Variants in PTPRT observed in about 807,000 individuals in gnomAD.
PTPRT encodes the protein protein tyrosine phosphatase receptor type T.
Under a neutral mutation model 176.8 loss-of-function variants are expected in PTPRT, and 56 were observed. The observed-to-expected ratio is 0.32, with a 90% CI of 0.26 to 0.40. The LOEUF (loss-of-function observed/expected upper bound fraction) is 0.40, where lower values mean the gene tolerates loss of function less well. Among genes scored for constraint, PTPRT ranks in the 10% least tolerant of loss-of-function variants. PTPRT has a pLI of 1.00. For missense variants in PTPRT, 1,540 were observed against 1,908.2 expected (o/e 0.81, Z 3.60); for synonymous variants, 783 against 739.0 (o/e 1.06, Z -0.96).
At chr20:42,393,069 T>C (rs1205100100) in intron 9 of PTPRT, among the ~76,000 whole-genome samples, 1 of 152,188 alleles carries the variant, frequency 6.6e-6, no homozygotes, top group Non-Finnish European at 1.5e-5. Context: ...CAAGATCTAT[T>C]TTGTAACGAT....
chr20:42,678,252 G>T (rs1600593525), intron 6 of PTPRT, 93 bp from the exon 7 acceptor site: 15 of 1,225,668 alleles, frequency 1.2e-5, no homozygotes, highest in African/African-American at 1.5e-5. Context: ...AATTCTTGAT[G>T]TAGCCACAAA....
chr20:42,322,708 T>C (rs773237469), intron 11 of PTPRT, among the ~76,000 whole-genome samples: 6 of 151,906 alleles, frequency 3.9e-5, no homozygotes, highest in Non-Finnish European at 7.4e-5. Context: ...GGGCAAGGAC[T>C]TCATGTCTAA....
chr20:42,962,342 A>C (rs1022899431), intron 1 of PTPRT, among the ~76,000 whole-genome samples: 7 of 152,190 alleles, frequency 4.6e-5, no homozygotes, highest in Non-Finnish European at 8.8e-5. Flanking sequence ...CTGTTGTTAC[A>C]GGTACCAGTG....
At chr20:42,640,025 C>T (rs1474272125) in intron 7 of PTPRT, among the ~76,000 whole-genome samples, 2 of 152,098 alleles carry the variant, frequency 1.3e-5, no homozygotes, top group African/African-American at 4.8e-5. Context: ...TTTTGACAGC[C>T]AAACATCATA....
chr20:42,311,619 G>A (rs1180160238), intron 12 of PTPRT, among the ~76,000 whole-genome samples: 1 of 152,036 alleles, frequency 6.6e-6, no homozygotes, highest in Admixed American at 6.6e-5. Flanking sequence ...AGAAATATGG[G>A]TAATTCTGAT....
chr20:42,351,675 C>T (rs997308109), intron 10 of PTPRT, among the ~76,000 whole-genome samples: 13 of 130,370 alleles, frequency 1.0e-4, no homozygotes, highest in African/African-American at 3.3e-4. Context: ...TACTGTGGCC[C>T]TATAATAGTA....
At chr20:42,633,188 A>C (rs1483463903) in intron 7 of PTPRT, among the ~76,000 whole-genome samples, 1 of 152,162 alleles carries the variant, frequency 6.6e-6, no homozygotes, top group African/African-American at 2.4e-5. Flanking sequence ...CTCATTTCAA[A>C]GGCAATAGAA....
intron 9 of PTPRT, among the ~76,000 whole-genome samples, chr20:42,369,745 C>A (rs1342551762): frequency 6.6e-6 from 1 of 152,096 alleles, no homozygotes; most frequent in Non-Finnish European, 1.5e-5. Context: ...GAAGCAGAGA[C>A]AATGGGGAAG....
At chr20:42,172,923 G>C (rs1990139001) in intron 16 of PTPRT, among the ~76,000 whole-genome samples, 1 of 152,120 alleles carries the variant, frequency 6.6e-6, no homozygotes, top group African/African-American at 2.4e-5. Flanking sequence ...TTGTCTCTCA[G>C]TGAAATGCCA....
At chr20:42,856,091 ACCAC>A (rs2078558299) in intron 2 of PTPRT, among the ~76,000 whole-genome samples, 1 of 152,108 alleles carries the variant, frequency 6.6e-6, no homozygotes, top group African/African-American at 2.4e-5. Context: ...GCTTTAGGGG[ACCAC>A]CCACCCCAGG....
intron 9 of PTPRT, among the ~76,000 whole-genome samples, chr20:42,424,378 C>T (rs1361561126): frequency 1.3e-5 from 2 of 152,150 alleles, no homozygotes; most frequent in Non-Finnish European, 1.5e-5. Flanking sequence ...CCATATGGGT[C>T]AGGCTGTAAG....
intron 2 of PTPRT, among the ~76,000 whole-genome samples, chr20:42,819,991 C>T (rs1288651513): frequency 2.0e-5 from 3 of 152,112 alleles, no homozygotes; most frequent in African/African-American, 7.2e-5. Flanking sequence ...ACCTCACTCT[C>T]AATATTAGAC....
intron 1 of PTPRT, among the ~76,000 whole-genome samples, chr20:42,907,569 T>C (rs1158928597): frequency 1.3e-5 from 2 of 151,576 alleles, no homozygotes; most frequent in Non-Finnish European, 2.9e-5. Context: ...CTTAACAGAG[T>C]TGTACAGTAT....
chr20:42,685,285 G>C (rs1381264381), intron 6 of PTPRT: 1 of 152,172 alleles, frequency 6.6e-6, no homozygotes, highest in Non-Finnish European at 1.5e-5. Context: ...GAGAAAAACT[G>C]CTTGAAGATT....
chr20:42,128,678 G>A, intron 19 of PTPRT, 76 bp downstream of exon 19: 1 of 1,321,450 alleles, frequency 7.6e-7, no homozygotes, highest in South Asian at 1.6e-5. Context: ...ACCTTCTGGA[G>A]GAGAGTTTGG....
chr20:42,086,753 A>AATATATATATATATATATATATATATAT (rs1555858329), intron 27 of PTPRT, among the ~76,000 whole-genome samples: 82 of 95,338 alleles, frequency 8.6e-4, no homozygotes, highest in African/African-American at 2.2e-3. Flanking sequence ...AAAAAAAAAA[A>AATATATATATATATATATATATATATAT]ATATATATAT....
chr20:42,254,588 A>G (rs2056605703), intron 13 of PTPRT, among the ~76,000 whole-genome samples: 1 of 152,172 alleles, frequency 6.6e-6, no homozygotes, highest in African/African-American at 2.4e-5. Context: ...GGTCCCTTTA[A>G]TTTCAAAGCT....
At chr20:43,021,579 G>C (rs548012816) in intron 1 of PTPRT, among the ~76,000 whole-genome samples, 6 of 152,220 alleles carry the variant, frequency 3.9e-5, no homozygotes, top group African/African-American at 1.4e-4. Flanking sequence ...TGAGATGGCT[G>C]AATGGGGGCT....
At chr20:42,276,584 G>T (rs1264480775) in intron 13 of PTPRT, among the ~76,000 whole-genome samples, 2 of 124,248 alleles carry the variant, frequency 1.6e-5, no homozygotes, top group East Asian at 2.3e-4. Flanking sequence ...TTGGTAGAAA[G>T]GGCTACCGAT....
Sources: allele counts gnomAD v4.1 joint callset (sites outside exome capture counted in the v4.1 genomes callset), GRCh38; gene constraint gnomAD v4.1.1; transcripts MANE v1.5; gene names NCBI Gene and HGNC (gene_info 2026-07-23, HGNC 2026-07-21).